The following OR9Q1 variants were observed in gnomAD, a reference collection of about 807,000 sequenced individuals.
The protein encoded by OR9Q1 is olfactory receptor 9Q1.
For missense variants in OR9Q1, 374 were observed against 378.8 expected (o/e 0.99, Z 0.11); for synonymous variants, 153 against 148.6 (o/e 1.03, Z -0.22).
chr11:58,095,019 A>G (rs1853717136), intron 2 of OR9Q1, among the ~76,000 whole-genome samples: 2 of 152,244 alleles, frequency 1.3e-5, no homozygotes, highest in South Asian at 2.1e-4. Context: ...ATGCACTTCT[A>G]TCTCTTGAGT....
chr11:58,133,766 G>T (rs1363875174), intron 2 of OR9Q1, among the ~76,000 whole-genome samples: 1 of 152,164 alleles, frequency 6.6e-6, no homozygotes, highest in African/African-American at 2.4e-5. Context: ...GCAGGTGTTG[G>T]GAATGATTCA....
intron 2 of OR9Q1, among the ~76,000 whole-genome samples, chr11:58,174,339 T>C (rs1444551827): frequency 6.6e-6 from 1 of 152,108 alleles, no homozygotes; most frequent in Non-Finnish European, 1.5e-5. Flanking sequence ...AGCTGCAGCT[T>C]GGTCAAGTTA....
At chr11:58,149,514 G>C (rs1048684819) in intron 2 of OR9Q1, among the ~76,000 whole-genome samples, 1 of 152,086 alleles carries the variant, frequency 6.6e-6, no homozygotes, top group Non-Finnish European at 1.5e-5. Context: ...ACAGTTTGGT[G>C]GCATTAAATA....
chr11:58,130,640 C>T lies in OR9Q1; in HGVS notation c.-14-48791C>T, dbSNP rs542639226. Among the ~76,000 whole-genome samples, 614 of 151,918 alleles carry T rather than the reference C, an allele frequency of 4.0e-3. 1 individual carries two copies. The highest frequency in any genetic ancestry group is 5.3e-3 in the Non-Finnish European group (363 of 67,946). Reference sequence around the variant, plus strand: ...AACCCCATTTCTACTAAAAAATTACCAAAAAGTAAAACAGAAAACACAAGA... The same window carrying T: ...AACCCCATTTCTACTAAAAAATTACTAAAAAGTAAAACAGAAAACACAAGA... On this transcript the variant is annotated intron_variant, in intron 2 of 2. Coordinates refer to ENST00000335397, the MANE Select transcript of OR9Q1 (RefSeq NM_001005212.4).
chr11:58,130,859 T>G (rs1854134388), intron 2 of OR9Q1, among the ~76,000 whole-genome samples: 1 of 151,858 alleles, frequency 6.6e-6, no homozygotes, highest in African/African-American at 2.4e-5. Flanking sequence ...AAATTACTCC[T>G]AGGGTAAAAT....
chr11:58,163,974 T>C (rs964234873), intron 2 of OR9Q1, among the ~76,000 whole-genome samples: 2 of 152,194 alleles, frequency 1.3e-5, no homozygotes, highest in African/African-American at 2.4e-5. Flanking sequence ...TTTTCCTACA[T>C]GAAAGGGGCT....
intron 1 of OR9Q1, among the ~76,000 whole-genome samples, chr11:58,039,556 G>A (rs1257445666): frequency 6.6e-6 from 1 of 152,162 alleles, no homozygotes; most frequent in Non-Finnish European, 1.5e-5. Context: ...GGCTTCTTTA[G>A]CATCCTCACA....
chr11:58,065,136 A>T (rs985427768), intron 2 of OR9Q1, among the ~76,000 whole-genome samples: 3 of 152,156 alleles, frequency 2.0e-5, no homozygotes, highest in African/African-American at 7.2e-5. Flanking sequence ...AGTGGACGGG[A>T]CACGTAAACA....
chr11:58,178,498 G>A (rs1565098064), intron 2 of OR9Q1, among the ~76,000 whole-genome samples: 1 of 152,166 alleles, frequency 6.6e-6, no homozygotes, highest in African/African-American at 2.4e-5. Context: ...TATAGACAAG[G>A]AGAATAATTA....
intron 2 of OR9Q1, among the ~76,000 whole-genome samples, chr11:58,075,245 A>G (rs1181580798): frequency 2.0e-5 from 3 of 152,098 alleles, no homozygotes; most frequent in African/African-American, 7.2e-5. Flanking sequence ...AGGAGCATAG[A>G]ATGTTTTTCC....
chr11:58,125,899 T>A (rs1165018323), intron 2 of OR9Q1, among the ~76,000 whole-genome samples: 3 of 152,192 alleles, frequency 2.0e-5, no homozygotes, highest in African/African-American at 7.2e-5. Context: ...TACTCAGTGG[T>A]AATATCAGGA....
intron 2 of OR9Q1, chr11:58,060,142 C>T (rs1853366523): frequency 6.6e-6 from 1 of 152,250 alleles, no homozygotes; most frequent in African/African-American, 2.4e-5. Flanking sequence ...TGCTTCCTCT[C>T]CCAAGGATGG....
chr11:58,059,687 CAAAAAAAAAAAAAAAAAA>C (rs58893511), intron 2 of OR9Q1, among the ~76,000 whole-genome samples: 2 of 40,188 alleles, frequency 5.0e-5, no homozygotes, highest in African/African-American at 1.8e-4. Flanking sequence ...GGCTCTGTCT[CAAAAAAAAAAAAAAAAAA>C]AAAAAAAAAA....
chr11:58,143,400 C>T (rs1854269163), intron 2 of OR9Q1, among the ~76,000 whole-genome samples: 1 of 152,174 alleles, frequency 6.6e-6, no homozygotes, highest in South Asian at 2.1e-4. Flanking sequence ...ATTTCTTCAA[C>T]AAAGTGCTTT....
intron 2 of OR9Q1, among the ~76,000 whole-genome samples, chr11:58,138,019 A>T (rs1854205297): frequency 1.3e-5 from 2 of 152,184 alleles, no homozygotes; most frequent in Non-Finnish European, 2.9e-5. Flanking sequence ...ATGCACATCA[A>T]GAGATGGGAG....
intron 2 of OR9Q1, among the ~76,000 whole-genome samples, chr11:58,071,595 C>T (rs1853488541): frequency 6.6e-6 from 1 of 152,134 alleles, no homozygotes; most frequent in Non-Finnish European, 1.5e-5. Context: ...CTGCAAAGGG[C>T]CAATGGCGTA....
chr11:58,031,360 T>C (rs1853033427), intron 1 of OR9Q1: 5 of 1,614,104 alleles, frequency 3.1e-6, no homozygotes, highest in African/African-American at 2.7e-5. Context: ...CTCTCCACTA[T>C]GGGGCTTTTG....
intron 1 of OR9Q1, chr11:58,031,138 T>C: frequency 6.2e-7 from 1 of 1,614,226 alleles, no homozygotes; most frequent in South Asian, 1.1e-5. Flanking sequence ...GACCCATGTA[T>C]TTCTTCCTGA....
At chr11:58,129,847 CT>C (rs372080290) in intron 2 of OR9Q1, among the ~76,000 whole-genome samples, 1,850 of 150,732 alleles carry the variant, frequency 0.012, 35 homozygotes, top group African/African-American at 0.042. Context: ...GAGGGCAGGG[CT>C]TTTTTTTTCT....
Sources: gnomAD v4.1 joint callset for allele counts (sites outside exome capture counted in the v4.1 genomes callset) on GRCh38, gnomAD v4.1.1 for gene constraint, MANE v1.5 for transcripts, NCBI Gene and HGNC (gene_info 2026-07-23, HGNC 2026-07-21) for gene names.